The following IL1RAPL2 variants were observed in gnomAD, a reference collection of about 807,000 sequenced individuals.
IL1RAPL2 encodes interleukin 1 receptor accessory protein like 2, also known as X-linked interleukin-1 receptor accessory protein-like 2.
Under a neutral mutation model 44.1 loss-of-function variants are expected in IL1RAPL2, and 3 were observed. That is an observed-to-expected ratio of 0.07 (90% CI 0.03 to 0.18). IL1RAPL2 has a LOEUF of 0.18. Ranked by LOEUF, IL1RAPL2 falls within the 10% of genes least tolerant of loss-of-function variation. The pLI is 1.00. For missense variants in IL1RAPL2, 391 were observed against 496.4 expected (o/e 0.79, Z 2.02); for synonymous variants, 181 against 178.8 (o/e 1.01, Z -0.10).
intron 5 of IL1RAPL2, among the ~76,000 whole-genome samples, chrX:105,429,059 A>T (rs2035830586): frequency 8.9e-6 from 1 of 111,841 alleles, no homozygotes; most frequent in Non-Finnish European, 1.9e-5. Flanking sequence ...GAAAGCTTTG[A>T]AATATAAAAA....
intron 2 of IL1RAPL2, among the ~76,000 whole-genome samples, chrX:105,086,493 T>A (rs1420434947): frequency 1.8e-5 from 2 of 110,694 alleles, no homozygotes; most frequent in East Asian, 5.7e-4. Context: ...AATGGGGAGA[T>A]GTTGGTCAAA....
intron 2 of IL1RAPL2, among the ~76,000 whole-genome samples, chrX:105,013,486 T>C (rs2032243519): frequency 9.1e-6 from 1 of 110,137 alleles, no homozygotes; most frequent in African/African-American, 3.3e-5. Context: ...CTTCATACTT[T>C]CTGCCTACCA....
At chrX:105,193,753 G>A (rs1556138756) in intron 2 of IL1RAPL2, among the ~76,000 whole-genome samples, 1 of 112,259 alleles carries the variant, frequency 8.9e-6, no homozygotes, top group African/African-American at 3.2e-5. Context: ...AGCTTTAACA[G>A]TGTACAGTGA....
chrX:105,761,110 C>A (rs1350578878), intron 10 of IL1RAPL2, among the ~76,000 whole-genome samples: 2 of 104,356 alleles, frequency 1.9e-5, no homozygotes, highest in Non-Finnish European at 3.9e-5. Context: ...ACCCAGGAGA[C>A]GAAGGTTGCA....
At chrX:105,398,204 C>A (rs1304549783) in intron 5 of IL1RAPL2, among the ~76,000 whole-genome samples, 1 of 110,744 alleles carries the variant, frequency 9.0e-6, no homozygotes, top group Non-Finnish European at 1.9e-5. Context: ...ACCTCAGAAA[C>A]TTTCCATTTT....
At chrX:105,135,935 T>C (rs1181411196) in intron 2 of IL1RAPL2, among the ~76,000 whole-genome samples, 1 of 111,711 alleles carries the variant, frequency 9.0e-6, no homozygotes, top group Non-Finnish European at 1.9e-5. Context: ...GATTTGGGAC[T>C]AACTCTGCAT....
At chrX:105,029,167 A>G (rs1360814198) in intron 2 of IL1RAPL2, among the ~76,000 whole-genome samples, 2 of 108,607 alleles carry the variant, frequency 1.8e-5, no homozygotes, top group Admixed American at 2.0e-4. Context: ...AATGATTATA[A>G]TGACATCATG....
At chrX:105,030,154 C>G (rs2031460367) in intron 2 of IL1RAPL2, among the ~76,000 whole-genome samples, 2 of 111,623 alleles carry the variant, frequency 1.8e-5, no homozygotes, top group Non-Finnish European at 3.8e-5. Flanking sequence ...GGCCCTTTGA[C>G]AGATGAGTAG....
chrX:104,949,043 C>T (rs866167273), intron 2 of IL1RAPL2, among the ~76,000 whole-genome samples: 1 of 108,347 alleles, frequency 9.2e-6, no homozygotes, highest in African/African-American at 3.4e-5. Context: ...GAATCCATCT[C>T]GTCCTGGACT....
At chrX:105,287,422 A>G (rs2034579967) in intron 5 of IL1RAPL2, among the ~76,000 whole-genome samples, 1 of 111,700 alleles carries the variant, frequency 9.0e-6, no homozygotes, top group African/African-American at 3.3e-5. Context: ...GGGGTAGGTA[A>G]GGGACAGACA....
At chrX:105,388,135 C>T (rs1351523420) in intron 5 of IL1RAPL2, among the ~76,000 whole-genome samples, 2 of 42,780 alleles carry the variant, frequency 4.7e-5, no homozygotes, top group African/African-American at 8.4e-5. Context: ...GCAACAAGAG[C>T]GAAACTCCAT....
At chrX:104,621,240 T>TTA (rs759011601) in intron 1 of IL1RAPL2, among the ~76,000 whole-genome samples, 34 of 105,608 alleles carry the variant, frequency 3.2e-4, no homozygotes, top group South Asian at 2.0e-3. Flanking sequence ...ATCTCAGCAG[T>TTA]TATATATATA....
chrX:104,941,611 A>G (rs1314474055), intron 2 of IL1RAPL2, among the ~76,000 whole-genome samples: 5 of 111,520 alleles, frequency 4.5e-5, no homozygotes, highest in Admixed American at 9.6e-5. Flanking sequence ...CCTTTGTCAG[A>G]CGGGTAGATT....
chrX:105,335,738 A>G (rs1411650897), intron 5 of IL1RAPL2, among the ~76,000 whole-genome samples: 3 of 111,090 alleles, frequency 2.7e-5, no homozygotes, highest in African/African-American at 9.8e-5. Flanking sequence ...TGGTGCAACT[A>G]CCTTTCAGTT....
intron 2 of IL1RAPL2, among the ~76,000 whole-genome samples, chrX:104,725,485 T>A (rs375405930): frequency 8.9e-6 from 1 of 112,010 alleles, no homozygotes. Flanking sequence ...GGTGAACTAA[T>A]TTACACTCCC....
intron 5 of IL1RAPL2, among the ~76,000 whole-genome samples, chrX:105,373,332 T>A (rs2035359100): frequency 8.9e-6 from 1 of 112,170 alleles, no homozygotes; most frequent in Admixed American, 9.4e-5. Flanking sequence ...GAAGTGTCTG[T>A]CCATGTCCTT....
chrX:105,350,459 C>T (rs1034488387), intron 5 of IL1RAPL2, among the ~76,000 whole-genome samples: 1 of 112,541 alleles, frequency 8.9e-6, no homozygotes, highest in Non-Finnish European at 1.9e-5. Context: ...CATGGTGGCT[C>T]ACGCCCGTAA....
intron 2 of IL1RAPL2, among the ~76,000 whole-genome samples, chrX:105,081,853 A>G (rs1038872459): frequency 8.9e-6 from 1 of 111,813 alleles, no homozygotes; most frequent in Non-Finnish European, 1.9e-5. Flanking sequence ...AAGCTTTTTG[A>G]TGTGCTGCTG....
chrX:104,954,111 T>C (rs750602129), intron 2 of IL1RAPL2, among the ~76,000 whole-genome samples: 1 of 112,032 alleles, frequency 8.9e-6, no homozygotes, highest in Non-Finnish European at 1.9e-5. Flanking sequence ...CCAGCTATTT[T>C]AAAAAATGTC....
Sources: allele counts gnomAD v4.1 joint callset (sites outside exome capture counted in the v4.1 genomes callset), GRCh38; gene constraint gnomAD v4.1.1; transcripts MANE v1.5; gene names NCBI Gene and HGNC (gene_info 2026-07-23, HGNC 2026-07-21).